GPHN: variants seen among roughly 807,000 people sequenced by gnomAD.
The protein encoded by GPHN is gephyrin.
A neutral mutation model predicts 95.5 loss-of-function variants in GPHN; 17 were observed. The ratio of observed to expected loss-of-function variants is 0.18; its 90% CI spans 0.12 to 0.27. The LOEUF (loss-of-function observed/expected upper bound fraction) is 0.27. Among genes scored for constraint, GPHN ranks in the 10% least tolerant of loss-of-function variants. The pLI is 1.00. For missense variants in GPHN, 660 were observed against 978.1 expected (o/e 0.67, Z 4.34); for synonymous variants, 320 against 322.5 (o/e 0.99, Z 0.08).
intron 4 of GPHN, among the ~76,000 whole-genome samples, chr14:66,843,838 T>G (rs571931691): frequency 5.9e-5 from 9 of 152,270 alleles, no homozygotes; most frequent in African/African-American, 1.9e-4. Context: ...ATATATTTTT[T>G]TATAAATAAT....
chr14:67,103,514 T>C (rs2077850724), intron 13 of GPHN, among the ~76,000 whole-genome samples: 9 of 137,978 alleles, frequency 6.5e-5, no homozygotes, highest in African/African-American at 2.2e-4. Context: ...TCTTTCTCTT[T>C]TTTTTTTTTT....
rs149354062 is a variant in GPHN, at chr14:66,869,500, C to T, written c.295-10439C>T. Among the ~76,000 whole-genome samples, 62 of 152,312 alleles carry T rather than the reference C, an allele frequency of 4.1e-4. 3 individuals carry two copies. The East Asian group carries it at 9.6e-3, about 24-fold the overall frequency. Reference sequence around the variant, plus strand: ...TCCATCTTCCAGTCCCCATCTCATTCGCTGCCTGCTCCCTAGTTTAGATCC... The same window carrying T: ...TCCATCTTCCAGTCCCCATCTCATTTGCTGCCTGCTCCCTAGTTTAGATCC... On this transcript the variant is annotated intron_variant, in intron 4 of 22. Coordinates refer to ENST00000478722, the MANE Select transcript of GPHN (RefSeq NM_020806.5).
chr14:67,438,439 T>A, the GPHN span, among the ~76,000 whole-genome samples: 1 of 152,040 alleles, frequency 6.6e-6, no homozygotes. Flanking sequence ...AGCTTTGGAG[T>A]CAGGAAGATC....
chr14:66,520,518 G>A (rs1184300922), intron 1 of GPHN, among the ~76,000 whole-genome samples: 10 of 151,946 alleles, frequency 6.6e-5, no homozygotes, highest in South Asian at 2.1e-4. Context: ...TAATGTGATC[G>A]GGAAGAAATG....
chr14:66,580,881 C>G (rs755503801), intron 1 of GPHN, among the ~76,000 whole-genome samples: 3 of 151,530 alleles, frequency 2.0e-5, no homozygotes, highest in Non-Finnish European at 4.4e-5. Context: ...AAATGCAGGC[C>G]AATATTGTTG....
At chr14:67,414,855 T>C in the GPHN span, among the ~76,000 whole-genome samples, 1 of 152,252 alleles carries the variant, frequency 6.6e-6, no homozygotes, top group Non-Finnish European at 1.5e-5. Flanking sequence ...ATCCGGATGC[T>C]TCATTTTATA....
the GPHN span, chr14:67,725,066 G>T: frequency 1.2e-6 from 2 of 1,613,360 alleles, no homozygotes; most frequent in South Asian, 2.2e-5. Context: ...CCTAGGATAT[G>T]AACATACTGC....
chr14:66,644,184 C>T (rs546628955), intron 1 of GPHN, among the ~76,000 whole-genome samples: 12 of 152,138 alleles, frequency 7.9e-5, no homozygotes, highest in African/African-American at 2.6e-4. Context: ...ATTCACAGAA[C>T]GCCTTGGGTT....
At chr14:66,676,453 G>A (rs1295442510) in intron 1 of GPHN, among the ~76,000 whole-genome samples, 1 of 151,856 alleles carries the variant, frequency 6.6e-6, no homozygotes, top group Admixed American at 6.6e-5. Flanking sequence ...TTCATATTTG[G>A]ACTTTATTGT....
intron 8 of GPHN, among the ~76,000 whole-genome samples, chr14:66,937,058 A>C (rs537343473): frequency 6.6e-6 from 1 of 152,308 alleles, no homozygotes; most frequent in Non-Finnish European, 1.5e-5. Flanking sequence ...GTCGGAGTGC[A>C]GTGGCACAAT....
At chr14:67,386,013 C>A in the GPHN span, 24 of 152,200 alleles carry the variant, frequency 1.6e-4, no homozygotes, top group African/African-American at 5.5e-4. Flanking sequence ...TTGCCCCAAC[C>A]CCAAGGTAAT....
Position 67,038,230 on chromosome 14 carries a change from C to G in GPHN, c.1006+14555C>G, listed in dbSNP as rs556398872. On this transcript the variant is annotated intron_variant, in intron 10 of 22. Coordinates refer to ENST00000478722, the MANE Select transcript of GPHN (RefSeq NM_020806.5). ...CAAAAACTAATACTTCATGGTTCTA[C>G]TTATATGAGACATCTAAAGTAATTG... Among the ~76,000 whole-genome samples the G allele has an allele frequency of 1.8e-4, 27 of 152,136 alleles. No individual in the cohort carries two copies. In the South Asian group the frequency reaches 5.4e-3, roughly 30 times the overall value.
At chr14:67,383,267 G>GT in the GPHN span, 1 of 1,589,084 alleles carries the variant, frequency 6.3e-7, no homozygotes, top group Non-Finnish European at 8.6e-7. Flanking sequence ...AATTAAATTT[G>GT]TATAGTATTT....
chr14:67,581,965 A>T, the GPHN span: 3 of 1,145,726 alleles, frequency 2.6e-6, no homozygotes, highest in Admixed American at 4.8e-5. Context: ...TAGTGGGAAA[A>T]GAGTACTTTA....
At chr14:66,932,306 G>A (rs1186809483) in intron 8 of GPHN, among the ~76,000 whole-genome samples, 1 of 152,056 alleles carries the variant, frequency 6.6e-6, no homozygotes, top group East Asian at 1.9e-4. Flanking sequence ...CACTGGTACT[G>A]TGTTGGGTCA....
the GPHN span, chr14:67,317,511 A>G: frequency 1.3e-6 from 2 of 1,502,398 alleles, no homozygotes; most frequent in Non-Finnish European, 1.8e-6. Flanking sequence ...AGGTGGAATT[A>G]TATCTGAAAG....
the GPHN span, among the ~76,000 whole-genome samples, chr14:67,211,015 A>G: frequency 1.3e-5 from 2 of 152,092 alleles, no homozygotes; most frequent in African/African-American, 4.8e-5. Flanking sequence ...ACAAACAAAA[A>G]CAGAGAATAA....
At chr14:67,131,673 G>T (rs1407239401) in intron 17 of GPHN, among the ~76,000 whole-genome samples, 2 of 152,136 alleles carry the variant, frequency 1.3e-5, no homozygotes, top group African/African-American at 4.8e-5. Flanking sequence ...ATTCCAAATA[G>T]ATTTAGCAGG....
At chr14:67,063,174 A>G (rs2075894356) in intron 11 of GPHN, among the ~76,000 whole-genome samples, 2 of 152,198 alleles carry the variant, frequency 1.3e-5, no homozygotes, top group Admixed American at 1.3e-4. Context: ...TCCCAGCACC[A>G]TTTATTAAAT....
Sources: gnomAD v4.1 joint callset for allele counts (sites outside exome capture counted in the v4.1 genomes callset) on GRCh38, gnomAD v4.1.1 for gene constraint, MANE v1.5 for transcripts, NCBI Gene and HGNC (gene_info 2026-07-23, HGNC 2026-07-21) for gene names.